The following GABRB1 variants were observed in gnomAD, a reference collection of about 807,000 sequenced individuals.
The protein encoded by GABRB1 is gamma-aminobutyric acid receptor subunit beta-1.
A neutral mutation model predicts 51.6 loss-of-function variants in GABRB1; 17 were observed. The ratio of observed to expected loss-of-function variants is 0.33; its 90% CI spans 0.23 to 0.49. GABRB1 has a LOEUF of 0.49. Among genes scored for constraint, GABRB1 ranks in the 20% least tolerant of loss-of-function variants. The probability of loss-of-function intolerance (pLI) is 0.99; values close to 1 mark genes in which losing one functional copy is unlikely to be tolerated. For synonymous variants in GABRB1, 247 were observed against 218.9 expected, an observed-to-expected ratio of 1.13 and a Z score of -1.14; for missense variants, 410 against 600.6, an observed-to-expected ratio of 0.68 and a Z score of 3.32.
At chr4:47,248,443 G>C in intron 4 of GABRB1, among the ~76,000 whole-genome samples, 1 of 151,972 alleles carries the variant, frequency 6.6e-6, no homozygotes, top group Admixed American at 6.6e-5. Context: ...AAGGATTTTA[G>C]CATCTATGTT....
chr4:47,384,439 G>T (rs1727713176), intron 5 of GABRB1, among the ~76,000 whole-genome samples: 1 of 151,052 alleles, frequency 6.6e-6, no homozygotes, highest in South Asian at 2.1e-4. Context: ...AGGAAAGAAG[G>T]TGAATTTAAA....
chr4:47,083,342 C>T (rs1727930375), intron 3 of GABRB1, among the ~76,000 whole-genome samples: 1 of 152,168 alleles, frequency 6.6e-6, no homozygotes, highest in Non-Finnish European at 1.5e-5. Context: ...ACAACCATTA[C>T]ACATGTGCAT....
chr4:47,061,475 T>A (rs1726841943), intron 3 of GABRB1, among the ~76,000 whole-genome samples: 1 of 152,188 alleles, frequency 6.6e-6, no homozygotes, highest in Non-Finnish European at 1.5e-5. Context: ...ATTTATAAAT[T>A]TAAATTTAAA....
chr4:47,069,461 T>C (rs1727221563), intron 3 of GABRB1, among the ~76,000 whole-genome samples: 1 of 152,198 alleles, frequency 6.6e-6, no homozygotes, highest in African/African-American at 2.4e-5. Flanking sequence ...TGACTGCTAA[T>C]TTTCTGTTAC....
intron 3 of GABRB1, among the ~76,000 whole-genome samples, chr4:47,108,854 C>A (rs1326118962): frequency 1.3e-5 from 2 of 151,990 alleles, no homozygotes; most frequent in African/African-American, 4.8e-5. Flanking sequence ...AAATAAACAT[C>A]ATTTCCCACA....
At chr4:47,169,233 T>C (rs1408101829) in intron 4 of GABRB1, among the ~76,000 whole-genome samples, 2 of 152,116 alleles carry the variant, frequency 1.3e-5, no homozygotes, top group African/African-American at 4.8e-5. Flanking sequence ...TATACTACTC[T>C]CTAAAAAAGG....
intron 4 of GABRB1, among the ~76,000 whole-genome samples, chr4:47,201,022 A>AT (rs1719877710): frequency 6.6e-6 from 1 of 152,074 alleles, no homozygotes; most frequent in African/African-American, 2.4e-5. Context: ...TTGGAGAAAT[A>AT]TTTTTCTTAC....
intron 3 of GABRB1, among the ~76,000 whole-genome samples, chr4:47,109,025 A>G (rs1304877979): frequency 6.6e-6 from 1 of 152,132 alleles, no homozygotes; most frequent in Non-Finnish European, 1.5e-5. Context: ...TGGGAGGATT[A>G]CAATGCAATA....
chr4:47,018,564 T>C (rs949851849), intron 1 of GABRB1, among the ~76,000 whole-genome samples: 2 of 152,166 alleles, frequency 1.3e-5, no homozygotes, highest in Non-Finnish European at 2.9e-5. Flanking sequence ...AATTTTTGGC[T>C]ACTCAAGAAC....
Position 47,425,989 on chromosome 4 carries a change from G to A in GABRB1, c.1396G>A (p.Val466Ile). The change falls in exon 9 of 9, where the codon GTC becomes ATC. Residue 466 changes from valine to isoleucine, a missense_variant. Val to Ile is a conservative substitution (Grantham distance 29). This residue lies in a region of GABRB1 where 181 missense variants were observed against 195.6 expected (regional missense o/e 0.93). Coordinates refer to ENST00000295454, the MANE Select transcript of GABRB1 (RefSeq NM_000812.4). The stretch of plus-strand genomic sequence containing the variant: ...CCCCATCACCTTTTCTCTTTTTAAT[G>A]TCGTCTATTGGCTTTACTATGTACA... ...FFPITFSLFN[V>I]VYWLYYVH is the part of the protein sequence containing the mutation. The A allele has an allele frequency of 6.2e-7, 1 of 1,603,540 alleles. No homozygotes were observed. The highest frequency in any genetic ancestry group is 1.7e-4 in the Middle Eastern group (1 of 6,024).
chr4:47,201,235 A>T (rs1719884739), intron 4 of GABRB1, among the ~76,000 whole-genome samples: 1 of 152,146 alleles, frequency 6.6e-6, no homozygotes, highest in Non-Finnish European at 1.5e-5. Context: ...CGAATGGAAT[A>T]TACCCAACAG....
chr4:47,337,789 G>A (rs527897578), intron 5 of GABRB1, among the ~76,000 whole-genome samples: 52 of 137,770 alleles, frequency 3.8e-4, no homozygotes, highest in Non-Finnish European at 5.7e-4. Context: ...CAGCCTGGGC[G>A]ACAGAGCCAG....
At chr4:47,000,146 A>G (rs1009647046) in intron 1 of GABRB1, among the ~76,000 whole-genome samples, 1 of 152,184 alleles carries the variant, frequency 6.6e-6, no homozygotes, top group African/African-American at 2.4e-5. Context: ...TCTCTCAATA[A>G]TGATAATACC....
intron 4 of GABRB1, among the ~76,000 whole-genome samples, chr4:47,200,203 T>C (rs1362861398): frequency 6.6e-6 from 1 of 152,114 alleles, no homozygotes; most frequent in Non-Finnish European, 1.5e-5. Context: ...CAAAACGTTG[T>C]TGGAATTGAA....
At chr4:47,159,192 G>A (rs112173897) in intron 3 of GABRB1, among the ~76,000 whole-genome samples, 37 of 152,050 alleles carry the variant, frequency 2.4e-4, no homozygotes, top group African/African-American at 7.7e-4. Context: ...CTGAAAGATA[G>A]GATTCTTTAA....
At chr4:47,140,615 A>T (rs542598690) in intron 3 of GABRB1, among the ~76,000 whole-genome samples, 3 of 151,972 alleles carry the variant, frequency 2.0e-5, no homozygotes, top group Non-Finnish European at 4.4e-5. Flanking sequence ...ACCGTGAGCT[A>T]CTTAGCTCCA....
intron 3 of GABRB1, among the ~76,000 whole-genome samples, chr4:47,125,301 A>T (rs564483014): frequency 3.9e-5 from 6 of 152,250 alleles, no homozygotes; most frequent in African/African-American, 1.2e-4. Flanking sequence ...GCCCTGCCTT[A>T]CACAAAATGT....
intron 1 of GABRB1, among the ~76,000 whole-genome samples, chr4:47,012,546 G>A (rs1724613864): frequency 6.6e-6 from 1 of 152,130 alleles, no homozygotes; most frequent in African/African-American, 2.4e-5. Context: ...GTATTTTTGA[G>A]ATTACCTATG....
intron 3 of GABRB1, among the ~76,000 whole-genome samples, chr4:47,109,826 T>G (rs958005917): frequency 6.6e-6 from 1 of 152,166 alleles, no homozygotes; most frequent in Admixed American, 6.6e-5. Flanking sequence ...AGAAGTCTAT[T>G]TCTTTCAATC....
Sources: allele counts gnomAD v4.1 joint callset (sites outside exome capture counted in the v4.1 genomes callset), GRCh38; gene constraint gnomAD v4.1.1; regional missense constraint gnomAD v4.1.1; transcripts MANE v1.5; gene names NCBI Gene and HGNC (gene_info 2026-07-23, HGNC 2026-07-21).